ADAMTS6: variants seen among roughly 807,000 people sequenced by gnomAD.
ADAMTS6 encodes the protein A disintegrin and metalloproteinase with thrombospondin motifs 6.
A neutral mutation model predicts 144.3 loss-of-function variants in ADAMTS6; 23 were observed. The ratio of observed to expected loss-of-function variants is 0.16; its 90% CI spans 0.11 to 0.23. ADAMTS6 has a LOEUF of 0.23. Ranked by LOEUF, ADAMTS6 falls within the 10% of genes least tolerant of loss-of-function variation. ADAMTS6 has a pLI of 1.00. For synonymous variants in ADAMTS6, 444 were observed against 457.5 expected, an observed-to-expected ratio of 0.97 and a Z score of 0.38; for missense variants, 999 against 1,379.6, an observed-to-expected ratio of 0.72 and a Z score of 4.37.
intron 9 of ADAMTS6, among the ~76,000 whole-genome samples, chr5:65,323,676 T>C (rs1380708703): frequency 6.6e-6 from 1 of 152,078 alleles, no homozygotes; most frequent in Non-Finnish European, 1.5e-5. Flanking sequence ...AGTTCTAGAT[T>C]CCTGAGGAAT....
At chr5:65,454,027 T>C (rs1013175650) in intron 4 of ADAMTS6, among the ~76,000 whole-genome samples, 6 of 152,274 alleles carry the variant, frequency 3.9e-5, no homozygotes, top group South Asian at 2.1e-4. Flanking sequence ...TCCACCCTCA[T>C]GAAGGAATGA....
intron 1 of ADAMTS6, among the ~76,000 whole-genome samples, chr5:65,474,313 T>C (rs868574970): frequency 1.3e-5 from 2 of 152,160 alleles, no homozygotes; most frequent in East Asian, 1.9e-4. Context: ...ACAAACAATA[T>C]GTAATCCCAT....
rs768347461 is a variant in ADAMTS6 at position 65,172,958 on chromosome 5, C to G, written c.2961G>C (p.Lys987Asn). The G allele has an allele frequency of 2.4e-5, 38 of 1,614,122 alleles. No individual in the cohort carries two copies. Among genetic ancestry groups the G allele is most frequent in the Non-Finnish European group, 3.1e-5 (36 of 1,180,054 alleles). Residue 987 changes from lysine to asparagine, a missense_variant, in exon 23 of 25, where the codon AAG (lysine) becomes AAC (asparagine). Physicochemically the swap from Lys to Asn is moderately conservative, Grantham distance 94 (BLOSUM62 0). Coordinates refer to ENST00000381055, the MANE Select transcript of ADAMTS6 (RefSeq NM_197941.4). ...GGAATGTCTTAGAAAGGTCACTGCT[C>G]TTGCACAGAACAATCCGATGCTTGA... is the stretch of plus-strand genomic sequence containing the variant. ...PGFKHRIVLC[K>N]SSDLSKTFPA...
At chr5:65,193,074 T>C (rs2112202919) in intron 21 of ADAMTS6, among the ~76,000 whole-genome samples, 1 of 152,104 alleles carries the variant, frequency 6.6e-6, no homozygotes, top group East Asian at 1.9e-4. Flanking sequence ...TATAGATCCC[T>C]TCCTCAAATC....
chr5:65,391,585 C>T (rs188358038), intron 7 of ADAMTS6, among the ~76,000 whole-genome samples: 117 of 152,220 alleles, frequency 7.7e-4, no homozygotes, highest in African/African-American at 2.7e-3. Context: ...CTCTACCATC[C>T]ATATTCCAAT....
At chr5:65,462,133 G>T (rs1759678787) in intron 3 of ADAMTS6, among the ~76,000 whole-genome samples, 1 of 152,144 alleles carries the variant, frequency 6.6e-6, no homozygotes, top group South Asian at 2.1e-4. Context: ...AACATAATAT[G>T]CCATTAACAT....
Position 65,276,418 on chromosome 5 carries a change from T to C in ADAMTS6, c.1513-2971A>G, listed in dbSNP as rs189637442. Reference sequence around the variant, plus strand: ...CTCTGAAGAGTTTTCAGATAGATCTTGCAATTTGAATCTCAACTTGAATAA... The same window carrying C: ...CTCTGAAGAGTTTTCAGATAGATCTCGCAATTTGAATCTCAACTTGAATAA... On this transcript the variant is annotated intron_variant, in intron 11 of 24. Coordinates refer to ENST00000381055, the MANE Select transcript of ADAMTS6 (RefSeq NM_197941.4). Among the ~76,000 whole-genome samples the C allele has an allele frequency of 2.3e-3, 355 of 152,306 alleles. 3 individuals are homozygous for C. Among genetic ancestry groups the C allele is most frequent in the African/African-American group, 8.1e-3 (336 of 41,572 alleles).
intron 9 of ADAMTS6, among the ~76,000 whole-genome samples, chr5:65,319,731 GGGAGGGAGGGAA>G (rs1561418624): frequency 1.5e-5 from 1 of 65,460 alleles, no homozygotes; most frequent in African/African-American, 8.7e-5. Flanking sequence ...GAGGGAGGGA[GGGAGGGAGGGAA>G]GGAAGGAAGG....
At chr5:65,267,021 A>G (rs929623098) in intron 12 of ADAMTS6, among the ~76,000 whole-genome samples, 8 of 152,168 alleles carry the variant, frequency 5.3e-5, no homozygotes, top group Non-Finnish European at 1.2e-4. Flanking sequence ...ATGTGTGTAA[A>G]TAATGAGTAG....
intron 7 of ADAMTS6, among the ~76,000 whole-genome samples, chr5:65,344,615 C>A (rs1468832021): frequency 6.6e-6 from 1 of 151,774 alleles, no homozygotes; most frequent in Admixed American, 6.6e-5. Flanking sequence ...CAATGAACAT[C>A]ACTATATTTT....
intron 7 of ADAMTS6, among the ~76,000 whole-genome samples, chr5:65,437,492 C>G (rs1277438661): frequency 6.6e-6 from 1 of 152,084 alleles, no homozygotes; most frequent in Admixed American, 6.5e-5. Flanking sequence ...TCAATTACTT[C>G]CCACCAGGCC....
In ADAMTS6 at chr5:65,302,151, A is replaced by T. The variant is rs1039486145; in HGVS notation, c.1224-2020T>A. 4.8e-5 allele frequency among the ~76,000 whole-genome samples: 7 copies of T among 144,778 alleles called. No individual in the cohort carries two copies. The Admixed American group carries it at 4.9e-4, about 10-fold the overall frequency. 95.0% of individuals were successfully genotyped at this position (144,778 alleles called of 152,430 possible). A position where few individuals can be genotyped will look rare whatever the true frequency, so the allele number is the denominator to read the frequency against. On this transcript the variant is annotated intron_variant, in intron 9 of 24. Transcript: ENST00000381055. ...ATATGCACATATAATATATATTTAC[A>T]TATAATATATATTTATATGATATTA...
chr5:65,316,291 G>C (rs949976699), intron 9 of ADAMTS6, among the ~76,000 whole-genome samples: 1 of 152,104 alleles, frequency 6.6e-6, no homozygotes, highest in Non-Finnish European at 1.5e-5. Context: ...TATATAGTTA[G>C]TTGACCTGAA....
intron 24 of ADAMTS6, 104 bp downstream of exon 24, chr5:65,170,513 C>T (rs751640923): frequency 6.8e-6 from 9 of 1,328,938 alleles, no homozygotes; most frequent in Middle Eastern, 2.6e-4. Flanking sequence ...AAATGCTCTA[C>T]TCAAACTACA....
At chr5:65,266,638 T>A (rs1441686286) in intron 12 of ADAMTS6, among the ~76,000 whole-genome samples, 1 of 151,970 alleles carries the variant, frequency 6.6e-6, no homozygotes. Flanking sequence ...TTTCCTTAAC[T>A]ATAAAATGGA....
At chr5:65,174,859 C>A (rs1264433873) in intron 22 of ADAMTS6, among the ~76,000 whole-genome samples, 1 of 152,112 alleles carries the variant, frequency 6.6e-6, no homozygotes, top group Non-Finnish European at 1.5e-5. Flanking sequence ...ACAAAGTAAG[C>A]CCACCCCACT....
chr5:65,362,811 C>A (rs1297602480), intron 7 of ADAMTS6, among the ~76,000 whole-genome samples: 2 of 152,142 alleles, frequency 1.3e-5, no homozygotes, highest in Non-Finnish European at 2.9e-5. Context: ...GTAGAGGAAT[C>A]ATTCATAAAT....
In ADAMTS6 at chr5:65,223,925, G is replaced by A. The variant is rs376754833; in HGVS notation, c.2272+395C>T. On this transcript the variant is annotated intron_variant, in intron 18 of 24. Coordinates refer to ENST00000381055, the MANE Select transcript of ADAMTS6 (RefSeq NM_197941.4). Reference sequence around the variant, plus strand: ...CGTCATTTTCCTGCCTCAGCCTCCCGAGTAGCTGGGACTACAGGCGCCCAC... The same window carrying A: ...CGTCATTTTCCTGCCTCAGCCTCCCAAGTAGCTGGGACTACAGGCGCCCAC... Among the ~76,000 whole-genome samples the A allele has an allele frequency of 5.0e-4, 76 of 151,076 alleles. No homozygotes were observed. In the East Asian group the frequency reaches 0.012, roughly 24 times the overall value.
chr5:65,200,874 C>A (rs1489938278), intron 20 of ADAMTS6, among the ~76,000 whole-genome samples: 1 of 152,044 alleles, frequency 6.6e-6, no homozygotes, highest in African/African-American at 2.4e-5. Flanking sequence ...ATTTGCTTAT[C>A]TTTTTATTCT....
Sources: allele counts gnomAD v4.1 joint callset (sites outside exome capture counted in the v4.1 genomes callset), GRCh38; gene constraint gnomAD v4.1.1; transcripts MANE v1.5; gene names NCBI Gene and HGNC (gene_info 2026-07-23, HGNC 2026-07-21).